Variants in PCDHGA7 observed in about 807,000 individuals in gnomAD.
The protein encoded by PCDHGA7 is protocadherin gamma-A7.
PCDHGA7 carries 44 observed loss-of-function variants against 58.3 expected under a neutral mutation model. The ratio of observed to expected loss-of-function variants is 0.75; its 90% CI spans 0.59 to 0.97. The LOEUF (loss-of-function observed/expected upper bound fraction) is 0.97. PCDHGA7 is among the 50% of genes least tolerant of loss of function. The pLI is 0.00. For missense variants in PCDHGA7, 1,266 were observed against 1,188.7 expected, an observed-to-expected ratio of 1.06 and a Z score of -0.96; for synonymous variants, 516 against 504.2, an observed-to-expected ratio of 1.02 and a Z score of -0.31.
Position 141,486,638 on chromosome 5 carries a change from C to T in PCDHGA7, c.2425-8169C>T, listed in dbSNP as rs753730551. 5.6e-6 allele frequency: 9 copies of T among 1,613,700 alleles called. No homozygotes were observed. In the East Asian group the frequency reaches 8.9e-5, roughly 16 times the overall value. On this transcript the variant is annotated intron_variant, in intron 1 of 3. Coordinates refer to ENST00000518325, the MANE Select transcript of PCDHGA7 (RefSeq NM_018920.4). This position sits in a 1 kb window ranked among gnomAD's most constrained non-coding sequence, Gnocchi z 5.0. The stretch of plus-strand genomic sequence containing the variant: ...TGACCCAGACTCTGGCTTGAATGCG[C>T]TTATCTCCTACTCACTCCTGGAGCC...
At chr5:141,474,345 G>A (rs541613646) in intron 1 of PCDHGA7, among the ~76,000 whole-genome samples, 7 of 152,124 alleles carry the variant, frequency 4.6e-5, no homozygotes, top group African/African-American at 7.2e-5. Flanking sequence ...TTGTTAAAAT[G>A]TAAGTCATGT....
In PCDHGA7 at chr5:141,408,231, G is replaced by A. The variant is rs775180708; in HGVS notation, c.2424+22908G>A. On this transcript the variant is annotated intron_variant, in intron 1 of 3. Coordinates refer to ENST00000518325, the MANE Select transcript of PCDHGA7 (RefSeq NM_018920.4). ...GGAGGGAGCTGCGCGCAGAGGCGCC[G>A]GGCCGGCCCGCGGCAGGTGCTATTT... 5 of 1,567,976 alleles carry A rather than the reference G, an allele frequency of 3.2e-6. No individual in the cohort carries two copies. In the African/African-American group the frequency reaches 5.4e-5, roughly 17 times the overall value.
intron 1 of PCDHGA7, among the ~76,000 whole-genome samples, chr5:141,407,218 G>A (rs1056826116): frequency 1.3e-5 from 2 of 152,108 alleles, no homozygotes; most frequent in Admixed American, 6.5e-5. Flanking sequence ...CCTTAAGTGG[G>A]TAGCAAAAAA....
chr5:141,408,378 T>C lies in PCDHGA7; in HGVS notation c.2424+23055T>C, dbSNP rs1369625426. 28 of 1,613,884 alleles carry C rather than the reference T, an allele frequency of 1.7e-5. No homozygotes were observed. The South Asian group carries it at 3.0e-4, about 17-fold the overall frequency. The stretch of plus-strand genomic sequence containing the variant: ...GCTAAGGATCTAGGGCTCAGTGTCC[T>C]GGATGTGTCGGCTCGCAAGCTGCGA... On this transcript the variant is annotated intron_variant, in intron 1 of 3. Transcript: ENST00000518325.
At chr5:141,449,837 T>A (rs917239289) in intron 1 of PCDHGA7, among the ~76,000 whole-genome samples, 3 of 151,742 alleles carry the variant, frequency 2.0e-5, no homozygotes, top group Non-Finnish European at 4.4e-5. Context: ...TTCTTTTATA[T>A]AATTAAATTT....
At chr5:141,495,015 G>C in intron 2 of PCDHGA7, 150 bp downstream of exon 2, 2 of 1,507,428 alleles carry the variant, frequency 1.3e-6, no homozygotes, top group East Asian at 4.9e-5. Flanking sequence ...CGGGGGGCTG[G>C]CACACAGACC....
chr5:141,459,300 A>T (rs954766370), intron 1 of PCDHGA7, among the ~76,000 whole-genome samples: 1 of 152,202 alleles, frequency 6.6e-6, no homozygotes, highest in Non-Finnish European at 1.5e-5. Flanking sequence ...ATCCTATAAC[A>T]TATACTATTT....
Position 141,490,854 on chromosome 5 carries a change from C to T in PCDHGA7, c.2425-3953C>T. On this transcript the variant is annotated intron_variant, in intron 1 of 3. Transcript: ENST00000518325. The surrounding 1 kb of genome is among the most constrained non-coding windows in gnomAD (Gnocchi z 5.4). The stretch of plus-strand genomic sequence containing the variant: ...TGCAGATTGTGGTGGGGGTTCGAGA[C>T]TCCGGCTCTCCCCCATTGCATGCCA... 6.2e-7 allele frequency: 1 copy of T among 1,613,900 alleles called. No homozygotes were observed. The highest frequency in any genetic ancestry group is 8.5e-7 in the Non-Finnish European group (1 of 1,179,914).
intron 1 of PCDHGA7, chr5:141,399,866 C>G (rs1312435366): frequency 1.1e-5 from 17 of 1,612,854 alleles, no homozygotes; most frequent in Non-Finnish European, 1.4e-5. Context: ...GCTGCAGAGC[C>G]CGGCTACCTG....
intron 1 of PCDHGA7, chr5:141,408,214 C>G (rs1225368283): frequency 1.3e-6 from 2 of 1,555,192 alleles, no homozygotes; most frequent in Admixed American, 2.0e-5. Context: ...TGGGAGGGAG[C>G]TGCGCGCAGA....
At chr5:141,446,894 A>C (rs1413761456) in intron 1 of PCDHGA7, among the ~76,000 whole-genome samples, 3 of 152,118 alleles carry the variant, frequency 2.0e-5, no homozygotes, top group Non-Finnish European at 2.9e-5. Flanking sequence ...TTCATGGCTG[A>C]GCTACTTTTG....
intron 1 of PCDHGA7, chr5:141,403,711 G>A: frequency 6.2e-7 from 1 of 1,613,930 alleles, no homozygotes; most frequent in South Asian, 1.1e-5. Context: ...AAGTCCTTGA[G>A]AACGTGCCCC....
chr5:141,389,118 C>A (rs2091610213), intron 1 of PCDHGA7: 1 of 1,613,888 alleles, frequency 6.2e-7, no homozygotes, highest in Admixed American at 1.7e-5. Context: ...AGACCGCGAG[C>A]AGAATCCAGA....
chr5:141,487,348 C>T lies in PCDHGA7; in HGVS notation c.2425-7459C>T, dbSNP rs929693998. ...GTGGGGCAGCCTGTGGAGTCACATG[C>T]TTTCCTGCTGGCACCTGTGCCTGTC... On this transcript the variant is annotated intron_variant, in intron 1 of 3. Coordinates refer to ENST00000518325, the MANE Select transcript of PCDHGA7 (RefSeq NM_018920.4). The surrounding 1 kb of genome is among the most constrained non-coding windows in gnomAD (Gnocchi z 5.0). The T allele has an allele frequency of 2.5e-6, 4 of 1,614,080 alleles. No homozygotes were observed. The highest frequency in any genetic ancestry group is 2.2e-5 in the East Asian group (1 of 44,882).
intron 2 of PCDHGA7, among the ~76,000 whole-genome samples, chr5:141,499,772 C>T (rs1217675128): frequency 1.0e-4 from 15 of 147,946 alleles, no homozygotes; most frequent in Admixed American, 9.0e-4. Context: ...CTGCAGCCTT[C>T]GCCTCCCGGG....
rs765376157 is a variant in PCDHGA7 at position 141,486,033 on chromosome 5, A to G, written c.2425-8774A>G. 4.3e-6 allele frequency: 7 copies of G among 1,614,148 alleles called. No individual in the cohort carries two copies. The highest frequency in any genetic ancestry group is 5.9e-6 in the Non-Finnish European group (7 of 1,180,014). ...TTTTATTTCAGTGGTCATACCCCTG[A>G]TCGTGTAAGAAACCTCTTTAGCCTG... On this transcript the variant is annotated intron_variant, in intron 1 of 3. Transcript: ENST00000518325. This position sits in a 1 kb window ranked among gnomAD's most constrained non-coding sequence, Gnocchi z 5.0.
intron 1 of PCDHGA7, among the ~76,000 whole-genome samples, chr5:141,407,505 T>TTTTTTTTTTTTTTTTTTTTTTTGAG (rs1460306566): frequency 6.6e-6 from 1 of 152,146 alleles, no homozygotes; most frequent in Non-Finnish European, 1.5e-5. Context: ...CTGTTTTTCT[T>TTTTTTTTTTTTTTTTTTTTTTTGAG]AGGCTATGTA....
At chr5:141,402,580 T>C (rs1217508250) in intron 1 of PCDHGA7, among the ~76,000 whole-genome samples, 3 of 152,226 alleles carry the variant, frequency 2.0e-5, no homozygotes, top group South Asian at 4.1e-4. Context: ...CTCAGATATC[T>C]AAAAAATAGA....
intron 2 of PCDHGA7, among the ~76,000 whole-genome samples, chr5:141,500,844 T>C (rs190011905): frequency 6.6e-6 from 1 of 152,204 alleles, no homozygotes; most frequent in Non-Finnish European, 1.5e-5. Flanking sequence ...AATGGGCTTT[T>C]GCTACATTAG....
Sources: allele counts gnomAD v4.1 joint callset (sites outside exome capture counted in the v4.1 genomes callset), GRCh38; gene constraint gnomAD v4.1.1; non-coding constraint Gnocchi (gnomAD v3.1); transcripts MANE v1.5; gene names NCBI Gene and HGNC (gene_info 2026-07-23, HGNC 2026-07-21).